The following THEMIS variants were observed in gnomAD, a reference collection of about 807,000 sequenced individuals.
THEMIS encodes thymocyte selection associated, also known as protein THEMIS.
In THEMIS, 37 loss-of-function variants were observed where a neutral mutation model predicts 52.6. The observed-to-expected ratio is 0.70, with a 90% CI of 0.54 to 0.93. The LOEUF is 0.93. Ranked by LOEUF, THEMIS falls within the 40% of genes least tolerant of loss-of-function variation. The pLI is 0.00. For missense variants in THEMIS, 808 were observed against 763.1 expected, an observed-to-expected ratio of 1.06 and a Z score of -0.69; for synonymous variants, 292 against 272.7, an observed-to-expected ratio of 1.07 and a Z score of -0.70.
chr6:127,866,608 G>A (rs537837006), intron 1 of THEMIS, among the ~76,000 whole-genome samples: 19 of 151,924 alleles, frequency 1.3e-4, no homozygotes, highest in South Asian at 4.2e-4. Flanking sequence ...CCATATTTCC[G>A]TATGTTTGAA....
intron 4 of THEMIS, among the ~76,000 whole-genome samples, chr6:127,734,896 A>AAATATATAT (rs1554216674): frequency 7.6e-5 from 5 of 65,446 alleles, no homozygotes; most frequent in African/African-American, 2.7e-4. Flanking sequence ...AAAAAAAAAA[A>AAATATATAT]ATATATATAT....
In THEMIS at chr6:127,821,660, T is replaced by C. The variant is rs143757776; in HGVS notation, c.710-7729A>G. 4.3e-3 allele frequency among the ~76,000 whole-genome samples: 655 copies of C among 151,804 alleles called. 4 individuals are homozygous for C. The highest frequency in any genetic ancestry group is 0.037 in the Middle Eastern group (11 of 294). On this transcript the variant is annotated intron_variant, in intron 3 of 5. Transcript: ENST00000368248. ...AGGGTGAATGCTAATCATAATGTGG[T>C]GCTTTTCTATATTTGCCACTGTAAC...
At chr6:127,747,563 G>A (rs1583228179) in intron 4 of THEMIS, among the ~76,000 whole-genome samples, 1 of 151,316 alleles carries the variant, frequency 6.6e-6, no homozygotes, top group African/African-American at 2.4e-5. Flanking sequence ...CATCAAAATT[G>A]TTAAGGTAAT....
intron 1 of THEMIS, among the ~76,000 whole-genome samples, chr6:127,912,852 C>CA (rs1781442124): frequency 6.6e-6 from 1 of 152,046 alleles, no homozygotes. Context: ...GCCTGTAGGC[C>CA]AAATGTTGTT....
intron 4 of THEMIS, among the ~76,000 whole-genome samples, chr6:127,768,680 T>C (rs1336243501): frequency 6.6e-6 from 1 of 152,258 alleles, no homozygotes; most frequent in Non-Finnish European, 1.5e-5. Context: ...GAATTACTTA[T>C]GCATTCAGAC....
At chr6:127,841,230 C>T (rs1255218672) in intron 2 of THEMIS, among the ~76,000 whole-genome samples, 4 of 151,974 alleles carry the variant, frequency 2.6e-5, no homozygotes, top group Non-Finnish European at 4.4e-5. Flanking sequence ...GGAAACTCTG[C>T]TTGCATTCCA....
intron 4 of THEMIS, among the ~76,000 whole-genome samples, chr6:127,791,098 T>C (rs1432822309): frequency 6.6e-6 from 1 of 152,242 alleles, no homozygotes; most frequent in Non-Finnish European, 1.5e-5. Context: ...ATTTCAGCCC[T>C]GTTTGTGTTA....
chr6:127,710,744 G>A (rs1773947957), intron 5 of THEMIS, among the ~76,000 whole-genome samples: 1 of 151,908 alleles, frequency 6.6e-6, no homozygotes, highest in African/African-American at 2.4e-5. Flanking sequence ...CGCGATGGAT[G>A]GGTAATTAAA....
chr6:127,707,077 G>A (rs140632814), downstream of THEMIS, among the ~76,000 whole-genome samples: 643 of 152,168 alleles, frequency 4.2e-3, 4 homozygotes, highest in Middle Eastern at 0.024. Context: ...GAAGTGCCAA[G>A]CAAAAGTGGA....
At chr6:127,906,016 T>G (rs528748778), upstream of THEMIS, among the ~76,000 whole-genome samples, 102 of 142,154 alleles carry the variant, frequency 7.2e-4, no homozygotes, top group Admixed American at 1.3e-3. Flanking sequence ...TAATTTAAAT[T>G]AAATAATTTA....
chr6:127,894,280 C>T (rs927063411), intron 1 of THEMIS, among the ~76,000 whole-genome samples: 2 of 152,084 alleles, frequency 1.3e-5, no homozygotes, highest in East Asian at 1.9e-4. Flanking sequence ...GAACATGTTT[C>T]ATACCACAAA....
intron 2 of THEMIS, among the ~76,000 whole-genome samples, chr6:127,842,858 G>A (rs1413658196): frequency 6.6e-6 from 1 of 151,814 alleles, no homozygotes; most frequent in African/African-American, 2.4e-5. Flanking sequence ...GGGGTCTTGG[G>A]GGTCAAAGAC....
intron 4 of THEMIS, among the ~76,000 whole-genome samples, chr6:127,723,917 T>G (rs1018092605): frequency 1.3e-5 from 2 of 152,096 alleles, no homozygotes; most frequent in African/African-American, 4.8e-5. Flanking sequence ...GTAAAAACTA[T>G]GCATGCCCTG....
At chr6:127,741,496 G>A (rs1173734880) in intron 4 of THEMIS, among the ~76,000 whole-genome samples, 1 of 152,132 alleles carries the variant, frequency 6.6e-6, no homozygotes, top group Non-Finnish European at 1.5e-5. Flanking sequence ...ACCAAAGGAG[G>A]AGAATAAACC....
chr6:127,788,411 G>A (rs1376918879), intron 4 of THEMIS, among the ~76,000 whole-genome samples: 2 of 152,110 alleles, frequency 1.3e-5, no homozygotes, highest in East Asian at 1.9e-4. Context: ...AAAGGTTGAG[G>A]GATGAATACA....
intron 3 of THEMIS, among the ~76,000 whole-genome samples, chr6:127,822,284 A>G (rs554054093): frequency 6.6e-6 from 1 of 151,970 alleles, no homozygotes; most frequent in South Asian, 2.1e-4. Flanking sequence ...TTTGATCTCA[A>G]TTTTCTTTAT....
the THEMIS span, among the ~76,000 whole-genome samples, chr6:127,701,849 T>G: frequency 4.6e-5 from 7 of 152,222 alleles, no homozygotes; most frequent in Admixed American, 4.6e-4. Context: ...TTTTATGAAG[T>G]GCCTGCTTAA....
intron 1 of THEMIS, among the ~76,000 whole-genome samples, chr6:127,917,675 C>A (rs1781555290): frequency 6.6e-6 from 1 of 152,176 alleles, no homozygotes; most frequent in East Asian, 1.9e-4. Context: ...ACTTTCAAGA[C>A]CATGGTTAGT....
At chr6:127,806,180 T>A (rs1777702433) in intron 4 of THEMIS, among the ~76,000 whole-genome samples, 1 of 152,162 alleles carries the variant, frequency 6.6e-6, no homozygotes, top group Admixed American at 6.5e-5. Context: ...TTCCATGTAG[T>A]GGACATTTTA....
Sources: allele counts gnomAD v4.1 joint callset (sites outside exome capture counted in the v4.1 genomes callset), GRCh38; gene constraint gnomAD v4.1.1; transcripts MANE v1.5; gene names NCBI Gene and HGNC (gene_info 2026-07-23, HGNC 2026-07-21).